RGL1: variants seen among roughly 807,000 people sequenced by gnomAD.
RGL1 encodes the protein ral guanine nucleotide dissociation stimulator like 1, also known as ral guanine nucleotide dissociation stimulator-like 1.
Under a neutral mutation model 95.2 loss-of-function variants are expected in RGL1, and 24 were observed. The ratio of observed to expected loss-of-function variants is 0.25; its 90% CI spans 0.18 to 0.35. RGL1 has a LOEUF of 0.35. Ranked by LOEUF, RGL1 falls within the 10% of genes least tolerant of loss-of-function variation. The pLI is 1.00. For synonymous variants in RGL1, 329 were observed against 344.9 expected (o/e 0.95, Z 0.51); for missense variants, 715 against 936.3 (o/e 0.76, Z 3.08).
At position 183,927,276 on chromosome 1, in the gene RGL1, C is replaced by G. The variant is rs1319047584; in HGVS notation, c.*984C>G. 1 of 152,502 alleles carries G rather than the reference C, an allele frequency of 6.6e-6. No individual in the cohort carries two copies. Among genetic ancestry groups the G allele is most frequent in the Non-Finnish European group, 1.5e-5 (1 of 68,014 alleles). 9.4% of individuals were successfully genotyped at this position (152,502 alleles called of 1,614,324 possible). A position where few individuals can be genotyped will look rare whatever the true frequency, so the allele number is the denominator to read the frequency against. Reference sequence around the variant, plus strand: ...GTCTGGAGTCTTTTGCCATCTGGATCTTAGTACCTCTTTATTATGTGCAAT... The same window carrying G: ...GTCTGGAGTCTTTTGCCATCTGGATGTTAGTACCTCTTTATTATGTGCAAT... On this transcript the variant is annotated 3_prime_UTR_variant, in exon 18 of 18. Transcript: ENST00000360851.
intron 2 of RGL1, among the ~76,000 whole-genome samples, chr1:183,808,760 TC>T (rs149224719): frequency 6.7e-6 from 1 of 150,346 alleles, no homozygotes; most frequent in South Asian, 2.1e-4. Context: ...TCTCTCTCTC[TC>T]TTTTTTTTTT....
At chr1:183,826,983 C>G (rs1439903314) in intron 2 of RGL1, among the ~76,000 whole-genome samples, 1 of 152,016 alleles carries the variant, frequency 6.6e-6, no homozygotes, top group Non-Finnish European at 1.5e-5. Context: ...AGTACAGTGG[C>G]ATGATCTTGG....
chr1:183,678,892 G>A (rs1558149287), intron 1 of RGL1, among the ~76,000 whole-genome samples: 1 of 152,188 alleles, frequency 6.6e-6, no homozygotes, highest in South Asian at 2.1e-4. Flanking sequence ...GTCACTGTTA[G>A]TCCCCTTTTA....
intron 2 of RGL1, among the ~76,000 whole-genome samples, chr1:183,837,080 T>C (rs1663714419): frequency 6.6e-6 from 1 of 152,182 alleles, no homozygotes; most frequent in Non-Finnish European, 1.5e-5. Flanking sequence ...AATTAATGAC[T>C]TGACTTTAAA....
intron 1 of RGL1, among the ~76,000 whole-genome samples, chr1:183,737,254 C>A (rs1462951653): frequency 1.3e-5 from 2 of 152,138 alleles, no homozygotes. Flanking sequence ...TAATACTTAA[C>A]GTTTTCAAGA....
chr1:183,744,468 C>T (rs1393278729), intron 2 of RGL1, among the ~76,000 whole-genome samples: 3 of 152,258 alleles, frequency 2.0e-5, no homozygotes, highest in Non-Finnish European at 2.9e-5. Context: ...CCTGTACTTG[C>T]ACAAAATTGA....
Position 183,724,258 on chromosome 1 carries a change from G to C in RGL1, c.-32-17868G>C, listed in dbSNP as rs1572334060. Among the ~76,000 whole-genome samples, 1 of 152,218 alleles carries C rather than the reference G, an allele frequency of 6.6e-6. No individual in the cohort carries two copies. Among genetic ancestry groups the C allele is most frequent in the Non-Finnish European group, 1.5e-5 (1 of 68,008 alleles). ...CCCAGCTGTGGTGGCTATGAGGAGA[G>C]ACTGTTTCTGCTTGAGAAAAGCAGA... On this transcript the variant is annotated intron_variant, in intron 1 of 18. Coordinates refer to the RGL1 transcript ENST00000304685. This position sits in a 1 kb window ranked among gnomAD's most constrained non-coding sequence, Gnocchi z 4.1.
chr1:183,695,922 G>A (rs1469224454), intron 1 of RGL1, among the ~76,000 whole-genome samples: 2 of 152,060 alleles, frequency 1.3e-5, no homozygotes, highest in Non-Finnish European at 2.9e-5. Flanking sequence ...TTGAAAATAG[G>A]TATAATTTTC....
chr1:183,888,279 G>A (rs1667231351), intron 7 of RGL1, among the ~76,000 whole-genome samples, 195 bp from the exon 8 acceptor site: 1 of 152,138 alleles, frequency 6.6e-6, no homozygotes. Flanking sequence ...CAAGCATACT[G>A]TGCCAAAATC....
chr1:183,652,220 A>G (rs1650813403), intron 1 of RGL1, among the ~76,000 whole-genome samples: 1 of 152,216 alleles, frequency 6.6e-6, no homozygotes, highest in African/African-American at 2.4e-5. Flanking sequence ...AGGTAGCAAA[A>G]TGGAAACTCC....
intron 1 of RGL1, among the ~76,000 whole-genome samples, chr1:183,696,799 CTTT>C (rs1558158376): frequency 3.3e-5 from 5 of 152,300 alleles, no homozygotes; most frequent in African/African-American, 4.8e-5. Context: ...TCTCTCACAT[CTTT>C]CATCCAATCC....
chr1:183,727,895 T>C (rs1277921346), intron 1 of RGL1, among the ~76,000 whole-genome samples: 1 of 152,206 alleles, frequency 6.6e-6, no homozygotes, highest in Non-Finnish European at 1.5e-5. Context: ...TGTATTAGCT[T>C]GACTGGGCTA....
chr1:183,815,191 C>G (rs1428972239), intron 2 of RGL1, among the ~76,000 whole-genome samples: 1 of 151,900 alleles, frequency 6.6e-6, no homozygotes, highest in African/African-American at 2.4e-5. Context: ...GGAGAATCGC[C>G]TGAACCTGGG....
At position 183,852,511 on chromosome 1, in the gene RGL1, C is replaced by A. The variant is rs115467269; in HGVS notation, c.347+4737C>A. Among the ~76,000 whole-genome samples the A allele has an allele frequency of 6.0e-3, 915 of 152,240 alleles. 11 individuals are homozygous for A. Among genetic ancestry groups the A allele is most frequent in the African/African-American group, 0.021 (869 of 41,534 alleles). On this transcript the variant is annotated intron_variant, in intron 3 of 17. Coordinates refer to ENST00000360851, the MANE Select transcript of RGL1 (RefSeq NM_001297671.3). ...TTTCTTTTATCTAACTTCAAACATA[C>A]ACTCACTCAGTTAAAAATCTGGCCA...
At chr1:183,822,711 C>T (rs1031520225) in intron 2 of RGL1, among the ~76,000 whole-genome samples, 1 of 152,220 alleles carries the variant, frequency 6.6e-6, no homozygotes, top group Non-Finnish European at 1.5e-5. Context: ...TGTTTACTCA[C>T]TCACTCAAAT....
chr1:183,714,864 G>C (rs1655515536), intron 1 of RGL1, among the ~76,000 whole-genome samples: 1 of 152,200 alleles, frequency 6.6e-6, no homozygotes, highest in Non-Finnish European at 1.5e-5. Flanking sequence ...AAGACCCGTT[G>C]CTCACAGGGT....
intron 2 of RGL1, among the ~76,000 whole-genome samples, chr1:183,809,951 T>C (rs1349904964): frequency 6.6e-6 from 1 of 152,136 alleles, no homozygotes; most frequent in Non-Finnish European, 1.5e-5. Flanking sequence ...AGTGAGACTC[T>C]GTCTCTTAAA....
chr1:183,707,920 G>A (rs1261230080), intron 1 of RGL1, among the ~76,000 whole-genome samples: 1 of 152,106 alleles, frequency 6.6e-6, no homozygotes, highest in Non-Finnish European at 1.5e-5. Context: ...TGAGAATGGA[G>A]GAGAATGATT....
In RGL1 at chr1:183,806,370, G is replaced by C; in HGVS notation, c.28-5G>C. ...TTTTCTTTCTCTTTATCCCGTCCCT[G>C]GCAGAGCTCGATTCAGGACTGGGGT... On this transcript the variant is annotated splice_region_variant and splice_polypyrimidine_tract_variant and intron_variant, in intron 1 of 17. Transcript: ENST00000360851. The C allele has an allele frequency of 3.1e-6, 5 of 1,609,680 alleles. No individual in the cohort carries two copies. Among genetic ancestry groups the C allele is most frequent in the Non-Finnish European group, 4.3e-6 (5 of 1,176,208 alleles).
Sources: gnomAD v4.1 joint callset for allele counts (sites outside exome capture counted in the v4.1 genomes callset) on GRCh38, gnomAD v4.1.1 for gene constraint, Gnocchi (gnomAD v3.1) non-coding constraint, MANE v1.5 for transcripts, NCBI Gene and HGNC (gene_info 2026-07-23, HGNC 2026-07-21) for gene names.